The following GPHN variants were observed in gnomAD, a reference collection of about 807,000 sequenced individuals.
GPHN encodes gephyrin.
In GPHN, 17 loss-of-function variants were observed where a neutral mutation model predicts 95.5. The observed-to-expected ratio is 0.18, with a 90% CI of 0.12 to 0.27. The LOEUF (loss-of-function observed/expected upper bound fraction) is 0.27. Among genes scored for constraint, GPHN ranks in the 10% least tolerant of loss-of-function variants. The pLI is 1.00. For synonymous variants in GPHN, 320 were observed against 322.5 expected (o/e 0.99, Z 0.08); for missense variants, 660 against 978.1 (o/e 0.67, Z 4.34).
At chr14:67,140,383 T>TAA (rs59560735) in intron 17 of GPHN, among the ~76,000 whole-genome samples, 1 of 129,684 alleles carries the variant, frequency 7.7e-6, no homozygotes, top group African/African-American at 2.6e-5. Context: ...AGACTCCATC[T>TAA]AAAAAAAAAA....
At chr14:67,436,810 C>T in the GPHN span, among the ~76,000 whole-genome samples, 7 of 152,168 alleles carry the variant, frequency 4.6e-5, no homozygotes, top group Non-Finnish European at 7.3e-5. Flanking sequence ...CATCCCAGCA[C>T]TTTGGGAGGC....
chr14:66,695,166 A>G (rs2068033833), intron 2 of GPHN, among the ~76,000 whole-genome samples: 1 of 152,140 alleles, frequency 6.6e-6, no homozygotes. Context: ...GTCTTAAAAA[A>G]ATAAATAAAT....
chr14:67,631,509 C>T, the GPHN span, among the ~76,000 whole-genome samples: 16 of 146,314 alleles, frequency 1.1e-4, no homozygotes, highest in African/African-American at 3.8e-4. Flanking sequence ...GATCTCAGCT[C>T]ACTACAGCCT....
At chr14:66,827,017 C>T (rs1438661101) in intron 4 of GPHN, among the ~76,000 whole-genome samples, 1 of 152,122 alleles carries the variant, frequency 6.6e-6, no homozygotes, top group Non-Finnish European at 1.5e-5. Context: ...GGCATGGTGG[C>T]TCACACCTGT....
At chr14:66,704,370 C>T (rs1177104252) in intron 2 of GPHN, among the ~76,000 whole-genome samples, 3 of 152,030 alleles carry the variant, frequency 2.0e-5, no homozygotes, top group African/African-American at 4.8e-5. Flanking sequence ...ACGTTCATCT[C>T]GGTGCCGCAT....
At chr14:66,846,320 CA>C (rs1039009187) in intron 4 of GPHN, among the ~76,000 whole-genome samples, 3 of 152,082 alleles carry the variant, frequency 2.0e-5, no homozygotes, top group Non-Finnish European at 1.5e-5. Context: ...TCACTAGATA[CA>C]AAAATTCTCT....
the GPHN span, among the ~76,000 whole-genome samples, chr14:67,331,306 A>G: frequency 2.6e-5 from 4 of 152,198 alleles, no homozygotes; most frequent in African/African-American, 9.6e-5. Flanking sequence ...TGGCCTCCCA[A>G]AGTGCTGAGA....
chr14:67,362,543 G>C, the GPHN span, among the ~76,000 whole-genome samples: 1 of 152,124 alleles, frequency 6.6e-6, no homozygotes, highest in Non-Finnish European at 1.5e-5. Context: ...ACAGTTCAAA[G>C]GATGTTATCT....
chr14:67,363,801 A>G, the GPHN span, among the ~76,000 whole-genome samples: 35 of 152,336 alleles, frequency 2.3e-4, no homozygotes, highest in East Asian at 2.7e-3. Flanking sequence ...AATTTTCACA[A>G]GGTTTTCTTA....
intron 9 of GPHN, among the ~76,000 whole-genome samples, chr14:67,014,255 C>G (rs903019398): frequency 6.6e-6 from 1 of 152,022 alleles, no homozygotes; most frequent in African/African-American, 2.4e-5. Flanking sequence ...TCTAAGCAAG[C>G]ACTTTACATG....
intron 1 of GPHN, among the ~76,000 whole-genome samples, chr14:66,571,637 C>T (rs529964086): frequency 5.3e-5 from 8 of 152,120 alleles, no homozygotes; most frequent in South Asian, 2.1e-4. Context: ...ATGGTGAAAC[C>T]GCGTCTCTAC....
the GPHN span, among the ~76,000 whole-genome samples, chr14:67,206,048 G>T: frequency 6.6e-6 from 1 of 152,134 alleles, no homozygotes; most frequent in Non-Finnish European, 1.5e-5. Context: ...GCTGGCCATG[G>T]TGGTGTATGC....
the GPHN span, chr14:67,577,489 G>C: frequency 1.1e-6 from 1 of 944,550 alleles, no homozygotes; most frequent in South Asian, 1.4e-5. Flanking sequence ...GTGCAGTTGG[G>C]GACAACCCAC....
chr14:67,459,704 G>A, the GPHN span, among the ~76,000 whole-genome samples: 1 of 152,182 alleles, frequency 6.6e-6, no homozygotes, highest in Non-Finnish European at 1.5e-5. Context: ...GTACTAAAGA[G>A]CACACACGCT....
chr14:67,284,547 TAAAAAA>T, the GPHN span, among the ~76,000 whole-genome samples: 324 of 23,290 alleles, frequency 0.014, 20 homozygotes, highest in South Asian at 0.21. Context: ...GCTGCAGTGC[TAAAAAA>T]AAAAAAAAAA....
rs1311429908 is a variant in GPHN at position 67,089,082 on chromosome 14, A to G, written c.1237+7A>G. ...GATGGCTATGCTGTCCGAGGTAAAT[A>G]TTTTGGTTTTCTTAAACATAATCAG... On this transcript the variant is annotated splice_region_variant and intron_variant, in intron 12 of 22. Coordinates refer to ENST00000478722, the MANE Select transcript of GPHN (RefSeq NM_020806.5). The G allele has an allele frequency of 7.7e-7, 1 of 1,300,056 alleles. No homozygotes were observed. Among genetic ancestry groups the G allele is most frequent in the Admixed American group, 1.8e-5 (1 of 54,950 alleles). 80.5% of individuals were successfully genotyped at this position (1,300,056 alleles called of 1,614,324 possible).
At chr14:67,438,264 G>C in the GPHN span, among the ~76,000 whole-genome samples, 1 of 152,234 alleles carries the variant, frequency 6.6e-6, no homozygotes, top group Non-Finnish European at 1.5e-5. Context: ...AAGGTGGGGT[G>C]ATCAGGGGCT....
chr14:67,007,495 T>G (rs903883826), intron 9 of GPHN, among the ~76,000 whole-genome samples: 1 of 152,170 alleles, frequency 6.6e-6, no homozygotes, highest in Admixed American at 6.5e-5. Flanking sequence ...ACTTCACCAA[T>G]TTATTAGTTT....
the GPHN span, among the ~76,000 whole-genome samples, chr14:67,453,179 T>C: frequency 2.0e-5 from 3 of 152,102 alleles, no homozygotes; most frequent in Admixed American, 6.6e-5. Context: ...AGTAACCAAA[T>C]AGTATGCTCA....
Sources: gnomAD v4.1 joint callset for allele counts (sites outside exome capture counted in the v4.1 genomes callset) on GRCh38, gnomAD v4.1.1 for gene constraint, MANE v1.5 for transcripts, NCBI Gene and HGNC (gene_info 2026-07-23, HGNC 2026-07-21) for gene names.